Variants in B3GALT1 observed in about 807,000 individuals in gnomAD.
B3GALT1 encodes UDP-Gal:betaGlcNAc beta 1,3-galactosyltransferase, polypeptide 1.
A neutral mutation model predicts 23.2 loss-of-function variants in B3GALT1; 10 were observed. The ratio of observed to expected loss-of-function variants is 0.43; its 90% CI spans 0.27 to 0.73. The LOEUF (loss-of-function observed/expected upper bound fraction) is 0.73. B3GALT1 is among the 30% of genes least tolerant of loss of function. The pLI is 0.21. For missense variants in B3GALT1, 299 were observed against 405.4 expected (o/e 0.74, Z 2.25); for synonymous variants, 156 against 141.5 (o/e 1.10, Z -0.73).
intron 4 of B3GALT1, among the ~76,000 whole-genome samples, chr2:167,836,364 G>A (rs995114933): frequency 3.9e-5 from 6 of 152,154 alleles, no homozygotes; most frequent in African/African-American, 1.4e-4. Context: ...CAAGGCTCGA[G>A]AACTATGTGA....
In B3GALT1 at chr2:167,658,057, C is replaced by T. The variant is rs140124025; in HGVS notation, c.-352+11091C>T. 9.2e-3 allele frequency among the ~76,000 whole-genome samples: 1,403 copies of T among 152,008 alleles called. 27 individuals carry two copies. The highest frequency in any genetic ancestry group is 0.032 in the African/African-American group (1,318 of 41,494). ...TTGCCAATGATAAAAGGCTCTTTTA[C>T]GAAGTTCTCTATTGTTTTCATAAAC... On this transcript the variant is annotated intron_variant, in intron 3 of 4. Transcript: ENST00000392690.
chr2:167,836,816 A>G (rs1451605077), intron 4 of B3GALT1, among the ~76,000 whole-genome samples: 2 of 152,372 alleles, frequency 1.3e-5, no homozygotes, highest in African/African-American at 4.8e-5. Context: ...CCATCAGACT[A>G]ACAGCGGATC....
chr2:167,568,240 A>C (rs1169910844), intron 2 of B3GALT1, among the ~76,000 whole-genome samples: 2 of 152,096 alleles, frequency 1.3e-5, no homozygotes, highest in East Asian at 3.8e-4. Flanking sequence ...ACCAATGAGC[A>C]TAATTGCTCG....
At chr2:167,531,375 G>A (rs1683324079) in intron 2 of B3GALT1, among the ~76,000 whole-genome samples, 1 of 152,102 alleles carries the variant, frequency 6.6e-6, no homozygotes, top group South Asian at 2.1e-4. Flanking sequence ...CTTTAATAAT[G>A]TAGTCTTTTC....
At chr2:167,774,488 TTTTTTTTTG>T (rs1688126135) in intron 3 of B3GALT1, among the ~76,000 whole-genome samples, 1 of 73,184 alleles carries the variant, frequency 1.4e-5, no homozygotes, top group Non-Finnish European at 2.3e-5. Flanking sequence ...TTTTTTTGTT[TTTTTTTTTG>T]TTTTTTTTTT....
rs547677932 is a variant in B3GALT1 at position 167,770,512 on chromosome 2, G to A, written c.-351-48160G>A. Among the ~76,000 whole-genome samples, 428 of 152,230 alleles carry A rather than the reference G, an allele frequency of 2.8e-3. 3 individuals are homozygous for A. The highest frequency in any genetic ancestry group is 0.025 in the South Asian group (121 of 4,824). On this transcript the variant is annotated intron_variant, in intron 3 of 4. Coordinates refer to ENST00000392690, the MANE Select transcript of B3GALT1 (RefSeq NM_020981.4). Reference sequence around the variant, plus strand: ...TTTGAGGGTTCTTTAGATATTCTGCGTATAAGTCGTTTCTCAGATGTATGA... The same window carrying A: ...TTTGAGGGTTCTTTAGATATTCTGCATATAAGTCGTTTCTCAGATGTATGA...
chr2:167,576,403 G>A (rs959984889), intron 2 of B3GALT1, among the ~76,000 whole-genome samples: 13 of 151,636 alleles, frequency 8.6e-5, no homozygotes, highest in Non-Finnish European at 1.6e-4. Context: ...TGCTTTAGCT[G>A]GATAATTGCT....
At chr2:167,754,177 A>T (rs1687780489) in intron 3 of B3GALT1, among the ~76,000 whole-genome samples, 1 of 152,238 alleles carries the variant, frequency 6.6e-6, no homozygotes. Context: ...TCAAGTTCTT[A>T]ACTTGCTTAC....
At chr2:167,346,788 G>A (rs57893073) in intron 1 of B3GALT1, among the ~76,000 whole-genome samples, 2,043 of 151,464 alleles carry the variant, frequency 0.013, 58 homozygotes, top group African/African-American at 0.047. Flanking sequence ...GTGTGTGTGC[G>A]TATACCTGTA....
chr2:167,500,639 A>T (rs1699837193), intron 2 of B3GALT1, among the ~76,000 whole-genome samples: 1 of 151,864 alleles, frequency 6.6e-6, no homozygotes, highest in South Asian at 2.1e-4. Context: ...TATAAGGAAA[A>T]AAAAAATGCA....
chr2:167,718,924 G>A (rs1379022636), intron 3 of B3GALT1, among the ~76,000 whole-genome samples: 1 of 152,164 alleles, frequency 6.6e-6, no homozygotes, highest in African/African-American at 2.4e-5. Context: ...AAATGCCAAG[G>A]TGCCTTATTT....
intron 3 of B3GALT1, among the ~76,000 whole-genome samples, chr2:167,754,358 T>C (rs1426052244): frequency 6.6e-6 from 1 of 152,222 alleles, no homozygotes; most frequent in Non-Finnish European, 1.5e-5. Context: ...CTGGGGAGTT[T>C]ATTTAAAAGA....
intron 2 of B3GALT1, among the ~76,000 whole-genome samples, chr2:167,512,577 T>TAC (rs1363312531): frequency 2.1e-5 from 2 of 95,258 alleles, no homozygotes; most frequent in South Asian, 7.3e-4. Flanking sequence ...TGTATATATA[T>TAC]ATGTATATAT....
intron 3 of B3GALT1, among the ~76,000 whole-genome samples, chr2:167,681,560 A>G (rs1168337831): frequency 6.6e-6 from 1 of 152,202 alleles, no homozygotes; most frequent in Non-Finnish European, 1.5e-5. Context: ...TTCCAGTGTA[A>G]AAATATAGCA....
chr2:167,692,057 A>T (rs981939018), intron 3 of B3GALT1, among the ~76,000 whole-genome samples: 1 of 152,114 alleles, frequency 6.6e-6, no homozygotes, highest in Non-Finnish European at 1.5e-5. Flanking sequence ...ATTGCTGCTC[A>T]TTAGGCTAAT....
At chr2:167,561,067 C>T (rs1440333357) in intron 2 of B3GALT1, among the ~76,000 whole-genome samples, 1 of 152,124 alleles carries the variant, frequency 6.6e-6, no homozygotes, top group Admixed American at 6.5e-5. Context: ...TAAAGCTCTC[C>T]TCAGCAAATG....
chr2:167,839,711 G>A (rs1462159580), intron 4 of B3GALT1, among the ~76,000 whole-genome samples: 15 of 151,300 alleles, frequency 9.9e-5, no homozygotes, highest in Admixed American at 2.6e-4. Flanking sequence ...AAAAGAGCCC[G>A]CCTTGTCAAG....
At chr2:167,653,487 C>T (rs987721473) in intron 3 of B3GALT1, among the ~76,000 whole-genome samples, 2 of 152,122 alleles carry the variant, frequency 1.3e-5, no homozygotes, top group African/African-American at 4.8e-5. Flanking sequence ...CCTGCTTGAG[C>T]TGCCAACGTT....
intron 3 of B3GALT1, among the ~76,000 whole-genome samples, chr2:167,742,750 A>G (rs1028781879): frequency 8.5e-5 from 13 of 152,150 alleles, no homozygotes; most frequent in Admixed American, 2.6e-4. Context: ...TCAGAAATCT[A>G]TTTCAAATAT....
Sources: gnomAD v4.1 joint callset for allele counts (sites outside exome capture counted in the v4.1 genomes callset) on GRCh38, gnomAD v4.1.1 for gene constraint, MANE v1.5 for transcripts, NCBI Gene and HGNC (gene_info 2026-07-23, HGNC 2026-07-21) for gene names.